The following RAI14 variants were observed in gnomAD, a reference collection of about 807,000 sequenced individuals.
RAI14 encodes the protein retinoic acid induced 14.
A neutral mutation model predicts 115.4 loss-of-function variants in RAI14; 45 were observed. The observed-to-expected ratio is 0.39, with a 90% CI of 0.31 to 0.50. The LOEUF (loss-of-function observed/expected upper bound fraction) is 0.50. RAI14 is among the 20% of genes least tolerant of loss of function. The probability of loss-of-function intolerance (pLI) is 0.85; values close to 1 mark genes in which losing one functional copy is unlikely to be tolerated. For synonymous variants in RAI14, 371 were observed against 415.4 expected, an observed-to-expected ratio of 0.89 and a Z score of 1.30; for missense variants, 939 against 1,131.2, an observed-to-expected ratio of 0.83 and a Z score of 2.44.
chr5:34,678,705 G>A (rs112093520), intron 1 of RAI14, among the ~76,000 whole-genome samples: 19 of 152,270 alleles, frequency 1.2e-4, no homozygotes, highest in African/African-American at 4.6e-4. Context: ...GGCAGCCCTG[G>A]CACACCAGCA....
At chr5:34,659,147 G>A (rs1386577781) in intron 1 of RAI14, 1 of 152,152 alleles carries the variant, frequency 6.6e-6, no homozygotes, top group Non-Finnish European at 1.5e-5. Context: ...AACTTACTAT[G>A]TTTTTGAGAT....
intron 4 of RAI14, among the ~76,000 whole-genome samples, chr5:34,799,685 ATTTTTTT>A (rs57115550): frequency 9.7e-6 from 1 of 103,416 alleles, no homozygotes; most frequent in Non-Finnish European, 1.8e-5. Context: ...ATCTGTTAGC[ATTTTTTT>A]TTTTTTTTTT....
chr5:34,813,641 C>G lies in RAI14; in HGVS notation c.833C>G (p.Pro278Arg). 1 of 1,612,334 alleles carries G rather than the reference C, an allele frequency of 6.2e-7. No homozygotes were observed. The part of the protein sequence containing the change: ...GTPKKRKAPP[P>R]PISPTQLSDV... The stretch of plus-strand genomic sequence containing the variant: ...CCAAAAAAACGCAAAGCTCCACCAC[C>G]TCCTATCAGTCCTACCCAGGTAAAA... Residue 278 changes from proline to arginine, a missense_variant, in exon 11 of 18, where the codon CCT becomes CGT. Pro to Arg is a moderately radical substitution (Grantham distance 103). Transcript: ENST00000265109.
chr5:34,706,413 T>C (rs1009334750), intron 2 of RAI14, among the ~76,000 whole-genome samples: 2 of 152,196 alleles, frequency 1.3e-5, no homozygotes, highest in Non-Finnish European at 2.9e-5. Flanking sequence ...AAATAGAATG[T>C]CACTTAAGGA....
intron 3 of RAI14, among the ~76,000 whole-genome samples, chr5:34,787,637 G>T (rs1235462658): frequency 6.6e-6 from 1 of 152,072 alleles, no homozygotes; most frequent in Non-Finnish European, 1.5e-5. Context: ...TTTTTTTGAG[G>T]AGGAGGTGAC....
chr5:34,731,166 T>C (rs1050178857), intron 2 of RAI14, among the ~76,000 whole-genome samples: 1 of 152,178 alleles, frequency 6.6e-6, no homozygotes, highest in African/African-American at 2.4e-5. Context: ...TTGTTTTTAG[T>C]AGAATATTAA....
In RAI14 at chr5:34,708,125, AAT is replaced by A. The variant is rs201882200; in HGVS notation, c.36+21174_36+21175del. Among the ~76,000 whole-genome samples, 990 of 152,322 alleles carry A rather than the reference AAT, an allele frequency of 6.5e-3. 9 individuals carry two copies. Among genetic ancestry groups the A allele is most frequent in the African/African-American group, 0.023 (944 of 41,568 alleles). The stretch of plus-strand genomic sequence containing the variant: ...CTAAGCTGCTCCTGAGTGTTATCTA[AAT>A]ATAAAGATATAATTTAATATACTCT... On this transcript the variant is annotated intron_variant, in intron 2 of 17. Transcript: ENST00000265109.
rs1038106499 is a variant in RAI14 at position 34,806,139 on chromosome 5, C to T, written c.322-1661C>T. ...AGGTGATATTTAAGCTGAGACCTCC[C>T]AAGGATGCAAAGAGCCACAAGGAAA... On this transcript the variant is annotated intron_variant, in intron 5 of 17. Coordinates refer to ENST00000265109, the MANE Select transcript of RAI14 (RefSeq NM_015577.3). 2.0e-5 allele frequency among the ~76,000 whole-genome samples: 3 copies of T among 152,072 alleles called. No homozygotes were observed. In the East Asian group the frequency reaches 5.8e-4, roughly 29 times the overall value.
At chr5:34,711,893 C>T (rs778833230) in intron 2 of RAI14, among the ~76,000 whole-genome samples, 12 of 152,126 alleles carry the variant, frequency 7.9e-5, no homozygotes, top group Non-Finnish European at 1.6e-4. Flanking sequence ...AAAGTTACAC[C>T]GCCTCTTTTC....
At chr5:34,779,938 G>A (rs1019889039) in intron 3 of RAI14, among the ~76,000 whole-genome samples, 15 of 152,080 alleles carry the variant, frequency 9.9e-5, no homozygotes, top group Non-Finnish European at 1.5e-5. Flanking sequence ...AAAAAACAAA[G>A]CTGGAGGCAT....
At chr5:34,786,142 C>T (rs758495047) in intron 3 of RAI14, among the ~76,000 whole-genome samples, 6 of 152,112 alleles carry the variant, frequency 3.9e-5, no homozygotes, top group South Asian at 2.1e-4. Context: ...GAACGGGGCC[C>T]GGGATGGGCC....
intron 1 of RAI14, chr5:34,684,736 A>C (rs1744667670): frequency 6.6e-6 from 1 of 152,230 alleles, no homozygotes; most frequent in African/African-American, 2.4e-5. Flanking sequence ...GCTCATGAAG[A>C]AGGCATTCAG....
intron 1 of RAI14, among the ~76,000 whole-genome samples, chr5:34,659,390 C>T (rs1289795553): frequency 6.6e-6 from 1 of 152,170 alleles, no homozygotes; most frequent in East Asian, 1.9e-4. Flanking sequence ...GCCTCATCCT[C>T]CAAAGTGGCT....
In RAI14 at chr5:34,830,918, A is replaced by G. The variant is rs1178865367; in HGVS notation, c.*153A>G. 3.7e-5 allele frequency: 51 copies of G among 1,371,180 alleles called. No homozygotes were observed. The highest frequency in any genetic ancestry group is 4.8e-5 in the Non-Finnish European group (50 of 1,033,928). 84.9% of individuals were successfully genotyped at this position (1,371,180 alleles called of 1,614,324 possible). A position where few individuals can be genotyped will look rare whatever the true frequency, so the allele number is the denominator to read the frequency against. ...CCAAAGGTTTCTGAGGACTTCTCCC[A>G]GGAGAAGACTGCCCGCCTCAGAACT... On this transcript the variant is annotated 3_prime_UTR_variant, in exon 18 of 18. Transcript: ENST00000265109.
Position 34,832,493 on chromosome 5 carries a change from A to G in RAI14, c.*1728A>G, listed in dbSNP as rs1561105508. The G allele has an allele frequency of 6.6e-6, 1 of 152,546 alleles. No homozygotes were observed. The highest frequency in any genetic ancestry group is 1.5e-5 in the Non-Finnish European group (1 of 68,022). The allele number at this position is 152,546 out of a possible 1,614,324, so 9.4% of individuals were successfully genotyped here. ...GTGTAGCCTTTTATCTTGTTTCCGG[A>G]TGCATATTTATTACGAGTACTCTGG... On this transcript the variant is annotated 3_prime_UTR_variant, in exon 18 of 18. Coordinates refer to ENST00000265109, the MANE Select transcript of RAI14 (RefSeq NM_015577.3).
chr5:34,699,044 T>A (rs995770109), intron 2 of RAI14, among the ~76,000 whole-genome samples: 3 of 152,098 alleles, frequency 2.0e-5, no homozygotes, highest in African/African-American at 7.2e-5. Flanking sequence ...TCCTGAGAAA[T>A]CTGGCGTGGC....
intron 4 of RAI14, among the ~76,000 whole-genome samples, chr5:34,796,373 G>A (rs1238452742): frequency 6.6e-6 from 1 of 150,648 alleles, no homozygotes; most frequent in Non-Finnish European, 1.5e-5. Flanking sequence ...ACTCCAGCCT[G>A]GGCAACAGAG....
chr5:34,772,300 C>T (rs974680752), intron 3 of RAI14, among the ~76,000 whole-genome samples: 3 of 152,158 alleles, frequency 2.0e-5, no homozygotes, highest in Admixed American at 6.5e-5. Flanking sequence ...GGTTAGAATC[C>T]AGAAATTACT....
chr5:34,809,800 A>G (rs948409084), intron 7 of RAI14, among the ~76,000 whole-genome samples: 1 of 152,218 alleles, frequency 6.6e-6, no homozygotes, highest in Non-Finnish European at 1.5e-5. Flanking sequence ...AAATTTTACT[A>G]CTTTCTTTCT....
Sources: gnomAD v4.1 joint callset for allele counts (sites outside exome capture counted in the v4.1 genomes callset) on GRCh38, gnomAD v4.1.1 for gene constraint, MANE v1.5 for transcripts, NCBI Gene and HGNC (gene_info 2026-07-23, HGNC 2026-07-21) for gene names.